Variants in CENPP observed in about 807,000 individuals in gnomAD.
CENPP encodes the protein centromere protein P.
A neutral mutation model predicts 35.6 loss-of-function variants in CENPP; 24 were observed. That is an observed-to-expected ratio of 0.67 (90% CI 0.49 to 0.95). The LOEUF (loss-of-function observed/expected upper bound fraction) is 0.95. Among genes scored for constraint, CENPP ranks in the 40% least tolerant of loss-of-function variants. CENPP has a pLI of 0.00. For synonymous variants in CENPP, 120 were observed against 125.5 expected (o/e 0.96, Z 0.29); for missense variants, 332 against 345.3 (o/e 0.96, Z 0.31).
Position 92,525,815 on chromosome 9 carries a change from G to A in CENPP, c.565-85499G>A, listed in dbSNP as rs150803376. Among the ~76,000 whole-genome samples the A allele has an allele frequency of 7.4e-3, 1,117 of 151,128 alleles. 12 individuals carry two copies. Among genetic ancestry groups the A allele is most frequent in the Middle Eastern group, 0.031 (9 of 290 alleles). The stretch of plus-strand genomic sequence containing the variant: ...TGAGACAGAAGAATCGCTTAAACCC[G>A]GGAGGCGGAGGTTGCACTGAGTAGC... On this transcript the variant is annotated intron_variant, in intron 5 of 7. Coordinates refer to ENST00000375587, the MANE Select transcript of CENPP (RefSeq NM_001012267.3).
intron 5 of CENPP, among the ~76,000 whole-genome samples, chr9:92,510,970 A>C (rs1847297484): frequency 6.6e-6 from 1 of 152,254 alleles, no homozygotes; most frequent in South Asian, 2.1e-4. Flanking sequence ...AGTGGGTGGA[A>C]GACCCAGAAG....
chr9:92,586,098 C>T (rs1464011620), intron 5 of CENPP, among the ~76,000 whole-genome samples: 4 of 152,066 alleles, frequency 2.6e-5, no homozygotes, highest in East Asian at 1.9e-4. Context: ...CAGGCTGGAG[C>T]GCAATGGCGC....
intron 5 of CENPP, among the ~76,000 whole-genome samples, chr9:92,571,907 CTTT>C (rs145507230): frequency 7.9e-5 from 10 of 127,112 alleles, no homozygotes; most frequent in African/African-American, 1.5e-4. Flanking sequence ...TGCAACTCCT[CTTT>C]TTTTTTTTTT....
intron 5 of CENPP, among the ~76,000 whole-genome samples, chr9:92,463,034 C>T (rs1456142852): frequency 6.6e-6 from 1 of 152,138 alleles, no homozygotes; most frequent in African/African-American, 2.4e-5. Context: ...AGTGTAGCCT[C>T]TAGGATAAAA....
At chr9:92,544,202 G>A (rs113710086) in intron 5 of CENPP, among the ~76,000 whole-genome samples, 28 of 152,318 alleles carry the variant, frequency 1.8e-4, no homozygotes, top group African/African-American at 5.5e-4. Flanking sequence ...TGGGCTGGGC[G>A]TGGTGGCTCA....
At chr9:92,545,417 G>A (rs940524243) in intron 5 of CENPP, among the ~76,000 whole-genome samples, 8 of 152,294 alleles carry the variant, frequency 5.3e-5, no homozygotes, top group South Asian at 2.1e-4. Context: ...AGGGTGCGTC[G>A]GGTACCCCAG....
intron 5 of CENPP, chr9:92,417,267 G>A: frequency 1.2e-6 from 2 of 1,614,100 alleles, no homozygotes; most frequent in African/African-American, 1.3e-5. Flanking sequence ...TTGAACTGAA[G>A]GTAGAGTTGC....
At chr9:92,372,099 CTTTTTTTTTTTTTTTTT>C (rs71362382) in intron 4 of CENPP, among the ~76,000 whole-genome samples, 3 of 30,680 alleles carry the variant, frequency 9.8e-5, no homozygotes, top group African/African-American at 2.8e-4. Context: ...TGCCAGCCAT[CTTTTTTTTTTTTTTTTT>C]TTTTTTTTTT....
intron 5 of CENPP, among the ~76,000 whole-genome samples, chr9:92,434,924 C>T (rs939746548): frequency 3.9e-5 from 6 of 152,012 alleles, no homozygotes; most frequent in Non-Finnish European, 4.4e-5. Flanking sequence ...TGGTGGTGCA[C>T]GCCTGTAATC....
intron 5 of CENPP, among the ~76,000 whole-genome samples, chr9:92,608,563 T>C (rs1851145894): frequency 1.3e-5 from 2 of 152,214 alleles, no homozygotes; most frequent in Non-Finnish European, 2.9e-5. Flanking sequence ...ATAACTAACG[T>C]ACCCCTGTTC....
intron 5 of CENPP, among the ~76,000 whole-genome samples, chr9:92,452,820 A>C (rs996376955): frequency 1.5e-3 from 224 of 152,200 alleles, no homozygotes; most frequent in African/African-American, 4.7e-3. Context: ...TTCCTGGTTT[A>C]GTCTTGGGAG....
At chr9:92,532,964 A>G (rs1848889362) in intron 5 of CENPP, among the ~76,000 whole-genome samples, 1 of 152,054 alleles carries the variant, frequency 6.6e-6, no homozygotes, top group Non-Finnish European at 1.5e-5. Context: ...TGAATAGAAT[A>G]TTGAGTGATT....
intron 5 of CENPP, chr9:92,515,171 T>G: frequency 6.2e-7 from 1 of 1,607,260 alleles, no homozygotes; most frequent in Non-Finnish European, 8.5e-7. Flanking sequence ...TTTCTATCAT[T>G]TAATGCTATA....
chr9:92,536,217 G>T, intron 5 of CENPP: 1 of 336,372 alleles, frequency 3.0e-6, no homozygotes, highest in Non-Finnish European at 5.6e-6. Context: ...AGTGGGTGTG[G>T]GGGAAGAGCA....
At chr9:92,426,136 G>T (rs950943798) in intron 5 of CENPP, among the ~76,000 whole-genome samples, 1 of 152,102 alleles carries the variant, frequency 6.6e-6, no homozygotes, top group Non-Finnish European at 1.5e-5. Flanking sequence ...GGATGGGGAT[G>T]GGGGGAGGTG....
chr9:92,616,146 G>A lies in CENPP; in HGVS notation c.*2997G>A, dbSNP rs1564024574. 1.1e-6 allele frequency: 1 copy of A among 879,378 alleles called. No individual in the cohort carries two copies. The highest frequency in any genetic ancestry group is 1.7e-5 in the African/African-American group (1 of 58,752). 54.5% of individuals were successfully genotyped at this position (879,378 alleles called of 1,614,324 possible). On this transcript the variant is annotated 3_prime_UTR_variant, in exon 8 of 8. Coordinates refer to ENST00000375587, the MANE Select transcript of CENPP (RefSeq NM_001012267.3). ...CTCTCTCCCTTTCTTCTTTCAACTA[G>A]TATGTTTTTATGTTTTTTCTTTGAC...
chr9:92,337,405 T>A, intron 2 of CENPP, 136 bp from the exon 3 acceptor site: 1 of 544,668 alleles, frequency 1.8e-6, no homozygotes, highest in South Asian at 2.9e-5. Flanking sequence ...TCTTCCAGAG[T>A]TTTTCAATGT....
chr9:92,577,052 C>A (rs1295212030), intron 5 of CENPP, among the ~76,000 whole-genome samples: 1 of 152,090 alleles, frequency 6.6e-6, no homozygotes, highest in Non-Finnish European at 1.5e-5. Flanking sequence ...AAAGACTAAC[C>A]CTGCCAATTA....
chr9:92,593,027 TCAGA>T lies in CENPP; in HGVS notation c.565-18284_565-18281del, dbSNP rs1850702093. ...TAGCTAGCAGAGAGACTGGAGTAGCTCAGACAACCAGAGCTGCTGGCCCCAGGGC... is the reference window on the plus strand; with the variant it reads ...TAGCTAGCAGAGAGACTGGAGTAGCTCAACCAGAGCTGCTGGCCCCAGGGC... On this transcript the variant is annotated intron_variant, in intron 5 of 7. Transcript: ENST00000375587. This position sits in a 1 kb window ranked among gnomAD's most constrained non-coding sequence, Gnocchi z 4.1. Among the ~76,000 whole-genome samples, 1 of 152,190 alleles carries T rather than the reference TCAGA, an allele frequency of 6.6e-6. No homozygotes were observed. The highest frequency in any genetic ancestry group is 1.5e-5 in the Non-Finnish European group (1 of 68,024).
Sources: allele counts gnomAD v4.1 joint callset (sites outside exome capture counted in the v4.1 genomes callset), GRCh38; gene constraint gnomAD v4.1.1; non-coding constraint Gnocchi (gnomAD v3.1); transcripts MANE v1.5; gene names NCBI Gene and HGNC (gene_info 2026-07-23, HGNC 2026-07-21).